CIT: variants seen among roughly 807,000 people sequenced by gnomAD.
CIT encodes the protein citron rho-interacting serine/threonine kinase, also known as citron Rho-interacting kinase.
Under a neutral mutation model 272.7 loss-of-function variants are expected in CIT, and 79 were observed. The ratio of observed to expected loss-of-function variants is 0.29; its 90% CI spans 0.24 to 0.35. The LOEUF (loss-of-function observed/expected upper bound fraction) is 0.35. Among genes scored for constraint, CIT ranks in the 10% least tolerant of loss-of-function variants. The pLI, the probability that CIT is intolerant of heterozygous loss-of-function variation, is 1.00. For synonymous variants in CIT, 948 were observed against 995.6 expected (o/e 0.95, Z 0.90); for missense variants, 1,909 against 2,618.3 (o/e 0.73, Z 5.91).
chr12:119,709,785 AGAGTGTGTGTGTGT>A (rs1168061639), intron 39 of CIT, among the ~76,000 whole-genome samples: 991 of 52,396 alleles, frequency 0.019, 19 homozygotes, highest in East Asian at 0.15. Flanking sequence ...AGAGAGAGAG[AGAGTGTGTGTGTGT>A]GTGTGTGTGT....
chr12:119,697,429 GA>G lies in CIT; in HGVS notation c.5882+229del, dbSNP rs1317558314. Among the ~76,000 whole-genome samples the G allele has an allele frequency of 3.3e-5, 5 of 152,186 alleles. No homozygotes were observed. Among genetic ancestry groups the G allele is most frequent in the African/African-American group, 1.2e-4 (5 of 41,452 alleles). Reference sequence around the variant, plus strand: ...CAAGCCAATGAAAATACCCAGGAGAGAAAGATCAGACCTCTCCCCTCTGACT... The same window carrying G: ...CAAGCCAATGAAAATACCCAGGAGAGAAGATCAGACCTCTCCCCTCTGACT... On this transcript the variant is annotated intron_variant, in intron 46 of 47. Transcript: ENST00000392521. The surrounding 1 kb of genome is among the most constrained non-coding windows in gnomAD (Gnocchi z 4.9).
chr12:119,861,135 A>C (rs1404362610), intron 3 of CIT, among the ~76,000 whole-genome samples: 1 of 151,938 alleles, frequency 6.6e-6, no homozygotes, highest in African/African-American at 2.4e-5. Flanking sequence ...AAAAAAAAAA[A>C]AACTTCACAA....
chr12:119,712,415 T>C lies in CIT; in HGVS notation c.4685-68A>G. 1 of 1,519,344 alleles carries C rather than the reference T, an allele frequency of 6.6e-7. No homozygotes were observed. Among genetic ancestry groups the C allele is most frequent in the Non-Finnish European group, 8.9e-7 (1 of 1,118,430 alleles). 94.1% of individuals were successfully genotyped at this position (1,519,344 alleles called of 1,614,324 possible). A position where few individuals can be genotyped will look rare whatever the true frequency, so the allele number is the denominator to read the frequency against. On this transcript the variant is annotated intron_variant, in intron 36 of 47. Coordinates refer to ENST00000392521, the MANE Select transcript of CIT (RefSeq NM_001206999.2). The surrounding 1 kb of genome is among the most constrained non-coding windows in gnomAD (Gnocchi z 5.2). ...CCGTTCCCACTGGGAGGGACGGGCC[T>C]GAGAGATCAAAGATGCCCACCAAAC...
chr12:119,785,141 G>GT lies in CIT; in HGVS notation c.1296-77dup. The GT allele has an allele frequency of 2.0e-6, 3 of 1,481,704 alleles. No homozygotes were observed. The South Asian group carries it at 3.7e-5, about 18-fold the overall frequency. 91.8% of individuals were successfully genotyped at this position (1,481,704 alleles called of 1,614,324 possible). ...GCTGCATTAGGAAGCTGCAACATTT[G>GT]TTTCATTTTACAAAAACATCTCATG... is the stretch of plus-strand genomic sequence containing the variant. On this transcript the variant is annotated intron_variant, in intron 10 of 47. Transcript: ENST00000392521.
chr12:119,712,467 C>T lies in CIT; in HGVS notation c.4685-120G>A, dbSNP rs1048887435. ...ACGCAAATCCCAGTTACCGCCAAGG[C>T]GGGGAGCGGAGGAAGATGGGCCTCC... On this transcript the variant is annotated intron_variant, in intron 36 of 47. Transcript: ENST00000392521. The surrounding 1 kb of genome is among the most constrained non-coding windows in gnomAD (Gnocchi z 5.2). The T allele has an allele frequency of 2.1e-5, 29 of 1,407,426 alleles. No individual in the cohort carries two copies. The highest frequency in any genetic ancestry group is 9.5e-5 in the Admixed American group (5 of 52,656). 87.2% of individuals were successfully genotyped at this position (1,407,426 alleles called of 1,614,324 possible). A position where few individuals can be genotyped will look rare whatever the true frequency, so the allele number is the denominator to read the frequency against.
At chr12:119,737,610 C>T (rs979329882) in intron 24 of CIT, among the ~76,000 whole-genome samples, 3 of 152,100 alleles carry the variant, frequency 2.0e-5, no homozygotes, top group Non-Finnish European at 4.4e-5. Context: ...GAGATGGGCC[C>T]ATTGGAATAA....
At position 119,701,723 on chromosome 12, in the gene CIT, C is replaced by T; in HGVS notation, c.5443G>A (p.Ala1815Thr). Residue 1815 changes from alanine (A) to threonine (T), a missense_variant, in exon 43 of 48, where the codon GCA becomes ACA. Transcript: ENST00000392521. Reference protein sequence around the residue: ...EFLDKNDHSLAPAVFAASSNS... With the variant: ...EFLDKNDHSLTPAVFAASSNS... ...GAAGAGGCGGCAAACACAGCAGGTG[C>T]CAAGGAATGGTCATTCTTATCCAGG... is the stretch of plus-strand genomic sequence containing the variant. 1 of 1,614,194 alleles carries T rather than the reference C, an allele frequency of 6.2e-7. No individual in the cohort carries two copies. The highest frequency in any genetic ancestry group is 8.5e-7 in the Non-Finnish European group (1 of 1,180,032).
At position 119,687,166 on chromosome 12, in the gene CIT, C is replaced by G. The variant is rs796349233; in HGVS notation, c.*1066G>C. ...TAGTCGGCAAGTCGTCAGAGGGTCT[C>G]GATTTGGCAGGAGCTATGGGATGGT... On this transcript the variant is annotated 3_prime_UTR_variant, in exon 48 of 48. Transcript: ENST00000392521. The G allele has an allele frequency of 4.6e-5, 7 of 152,724 alleles. No homozygotes were observed. The highest frequency in any genetic ancestry group is 1.7e-4 in the African/African-American group (7 of 41,532). 9.5% of individuals were successfully genotyped at this position (152,724 alleles called of 1,614,324 possible). A position where few individuals can be genotyped will look rare whatever the true frequency, so the allele number is the denominator to read the frequency against.
In CIT at chr12:119,782,610, G is replaced by A. The variant is rs779413272; in HGVS notation, c.1573C>T (p.Arg525Trp). 4.3e-6 allele frequency: 7 copies of A among 1,614,038 alleles called. No homozygotes were observed. The highest frequency in any genetic ancestry group is 5.1e-6 in the Non-Finnish European group (6 of 1,180,042). The change falls in exon 13 of 48, where the codon CGG becomes TGG. Residue 525 changes from arginine to tryptophan, a missense_variant. By Grantham distance (101) the Arg-to-Trp change is moderately radical. Around this residue, in one of 8 missense-constraint regions of CIT, gnomAD observed 19 missense variants for 21.4 expected, o/e 0.89. Transcript: ENST00000392521. Reference protein sequence around the residue: ...SSLKRSLEQARMEVSQEDDKA... With the variant: ...SSLKRSLEQAWMEVSQEDDKA... ...TCATCCTCCTGGGACACCTCCATCC[G>A]TGCTTGCTCCAAACTTCGCTTTAAG...
At chr12:119,873,281 T>G (rs533766880) in intron 2 of CIT, among the ~76,000 whole-genome samples, 2 of 151,528 alleles carry the variant, frequency 1.3e-5, no homozygotes, top group South Asian at 4.2e-4. Context: ...TTTTTTTTTT[T>G]TTTTAATTTA....
At chr12:119,704,586 G>T in intron 40 of CIT, 131 bp from the exon 41 acceptor site, 1 of 739,312 alleles carries the variant, frequency 1.4e-6, no homozygotes, top group Non-Finnish European at 2.3e-6. Context: ...GTGGGGGGAG[G>T]GCTGTCCTGG....
intron 4 of CIT, 57 bp from the exon 5 acceptor site, chr12:119,850,332 GC>G: frequency 1.1e-6 from 1 of 948,588 alleles, no homozygotes; most frequent in Non-Finnish European, 1.6e-6. Flanking sequence ...GGAAAAAGAA[GC>G]CTTTTCCTCT....
chr12:119,817,174 A>G (rs769382375), intron 9 of CIT, among the ~76,000 whole-genome samples: 4 of 152,182 alleles, frequency 2.6e-5, no homozygotes, highest in Admixed American at 6.5e-5. Context: ...TGTGGGGAAG[A>G]GATCACCAGG....
chr12:119,782,560 A>G lies in CIT; in HGVS notation c.1623T>C (p.Asp541=), dbSNP rs139550316. Residue 541 remains aspartate, a synonymous_variant, in exon 13 of 48, where the codon GAT becomes GAC. Coordinates refer to ENST00000392521, the MANE Select transcript of CIT (RefSeq NM_001206999.2). The stretch of plus-strand genomic sequence containing the variant: ...GGAGCTTCCGGCTCTGCTCTCTGAT[A>G]TCATGGAGAAGCTGCAGTGCTTTGT... The part of the protein sequence containing the change: ...EDDKALQLLH[D]IREQSRKLQE... 5.1e-4 allele frequency: 822 copies of G among 1,614,154 alleles called. 15 individuals carry two copies. In the East Asian group the frequency reaches 0.017, roughly 34 times the overall value.
chr12:119,773,463 G>T (rs943891310), intron 16 of CIT, among the ~76,000 whole-genome samples: 1 of 151,840 alleles, frequency 6.6e-6, no homozygotes, highest in African/African-American at 2.4e-5. Flanking sequence ...ACGGAGTTTT[G>T]CTCTTCTTGC....
chr12:119,866,581 G>A (rs1260202208), intron 3 of CIT, among the ~76,000 whole-genome samples: 1 of 152,152 alleles, frequency 6.6e-6, no homozygotes, highest in Non-Finnish European at 1.5e-5. Context: ...CATTTTGGGA[G>A]GCCAAGGTGG....
chr12:119,715,894 AC>A (rs1294665121), intron 32 of CIT, among the ~76,000 whole-genome samples: 1 of 151,646 alleles, frequency 6.6e-6, no homozygotes, highest in Non-Finnish European at 1.5e-5. Flanking sequence ...TTACAACATC[AC>A]CCCCCTTCCT....
At chr12:119,716,161 T>G (rs1485312621) in intron 32 of CIT, among the ~76,000 whole-genome samples, 1 of 151,864 alleles carries the variant, frequency 6.6e-6, no homozygotes, top group Non-Finnish European at 1.5e-5. Context: ...GTGGATCGCT[T>G]GAGGTCAGGA....
rs34429031 is a variant in CIT, at chr12:119,731,475, C to CA, written c.3351-846dup. On this transcript the variant is annotated intron_variant, in intron 26 of 47. Transcript: ENST00000392521. The stretch of plus-strand genomic sequence containing the variant: ...GGGCAACAAAGCAAGACTCCATTCT[C>CA]AAAAAAAAAAAAAAAAAGAAAAAAC... Among the ~76,000 whole-genome samples, 333 of 107,908 alleles carry CA rather than the reference C, an allele frequency of 3.1e-3. 2 individuals carry two copies. Among genetic ancestry groups the CA allele is most frequent in the African/African-American group, 7.8e-3 (220 of 28,300 alleles). The allele number at this position is 107,908 out of a possible 152,430, so 70.8% of individuals were successfully genotyped here.
Sources: allele counts gnomAD v4.1 joint callset (sites outside exome capture counted in the v4.1 genomes callset), GRCh38; gene constraint gnomAD v4.1.1; regional missense constraint gnomAD v4.1.1; non-coding constraint Gnocchi (gnomAD v3.1); transcripts MANE v1.5; gene names NCBI Gene and HGNC (gene_info 2026-07-23, HGNC 2026-07-21).